The following KIF15 variants were observed in gnomAD, a reference collection of about 807,000 sequenced individuals.
KIF15 encodes kinesin-like protein KIF15.
A neutral mutation model predicts 190.6 loss-of-function variants in KIF15; 140 were observed. That is an observed-to-expected ratio of 0.73 (90% CI 0.64 to 0.84). The LOEUF (loss-of-function observed/expected upper bound fraction) is 0.84, where lower values mean the gene tolerates loss of function less well. Ranked by LOEUF, KIF15 falls within the 40% of genes least tolerant of loss-of-function variation. The pLI is 0.00. For missense variants in KIF15, 1,372 were observed against 1,584.4 expected (o/e 0.87, Z 2.28); for synonymous variants, 528 against 551.3 (o/e 0.96, Z 0.59).
chr3:44,786,253 A>T, intron 6 of KIF15, 142 bp from the exon 7 acceptor site: 2 of 537,704 alleles, frequency 3.7e-6, no homozygotes, highest in Non-Finnish European at 6.2e-6. Flanking sequence ...GATTTTTTTT[A>T]CTTTTAGGTA....
At chr3:44,795,048 T>C (rs1330683307) in intron 8 of KIF15, among the ~76,000 whole-genome samples, 1 of 152,148 alleles carries the variant, frequency 6.6e-6, no homozygotes. Context: ...TAAGAAATTG[T>C]TCCTATTGAA....
chr3:44,805,810 T>C, intron 15 of KIF15, 35 bp from the exon 16 acceptor site: 2 of 1,581,958 alleles, frequency 1.3e-6, no homozygotes, highest in East Asian at 2.2e-5. Context: ...ACATTACTTA[T>C]TACCTGAAAT....
chr3:44,783,178 C>G lies in KIF15; in HGVS notation c.362-1667C>G, dbSNP rs368267456. On this transcript the variant is annotated intron_variant, in intron 5 of 34. Transcript: ENST00000326047. The stretch of plus-strand genomic sequence containing the variant: ...CTATTTGTGTTGCTGTAAAGGAATA[C>G]CTGAGGCTGGGTAATTTATAAAGAA... Among the ~76,000 whole-genome samples the G allele has an allele frequency of 9.9e-5, 15 of 152,162 alleles. No homozygotes were observed. The South Asian group carries it at 3.1e-3, about 32-fold the overall frequency.
intron 20 of KIF15, among the ~76,000 whole-genome samples, chr3:44,818,634 A>T (rs374337593): frequency 6.6e-5 from 10 of 152,316 alleles, no homozygotes; most frequent in Admixed American, 3.3e-4. Context: ...GTGCTGCTGG[A>T]TTCACTTTGC....
At chr3:44,831,100 A>AT in intron 26 of KIF15, 82 bp downstream of exon 26, 1 of 1,430,788 alleles carries the variant, frequency 7.0e-7, no homozygotes, top group Non-Finnish European at 9.5e-7. Context: ...TTATTAATGA[A>AT]TAAATACAGG....
intron 26 of KIF15, among the ~76,000 whole-genome samples, chr3:44,835,019 A>G (rs1698242649): frequency 6.7e-6 from 1 of 150,316 alleles, no homozygotes; most frequent in African/African-American, 2.4e-5. Flanking sequence ...TTAAATAAAC[A>G]GTTTAAAAAC....
chr3:44,841,480 C>G (rs1252041422), intron 29 of KIF15, among the ~76,000 whole-genome samples: 2 of 151,408 alleles, frequency 1.3e-5, no homozygotes, highest in Non-Finnish European at 2.9e-5. Flanking sequence ...TCACTGCAAG[C>G]TCCGCCTCCC....
In KIF15 at chr3:44,843,248, AC is replaced by A; in HGVS notation, c.3695+15del. On this transcript the variant is annotated intron_variant, in intron 30 of 34. Coordinates refer to ENST00000326047, the MANE Select transcript of KIF15 (RefSeq NM_020242.3). ...AAAGGAAAACAGGTGAGAAAGAACCACGAGAACTCTATGGGCTAAATCTTGG... is the reference window on the plus strand; with the variant it reads ...AAAGGAAAACAGGTGAGAAAGAACCAGAGAACTCTATGGGCTAAATCTTGG... 6.4e-7 allele frequency: 1 copy of A among 1,554,108 alleles called. No homozygotes were observed. The highest frequency in any genetic ancestry group is 8.9e-7 in the Non-Finnish European group (1 of 1,127,534).
intron 20 of KIF15, among the ~76,000 whole-genome samples, chr3:44,821,699 G>A (rs1697335614): frequency 2.0e-5 from 3 of 152,164 alleles, no homozygotes; most frequent in Non-Finnish European, 4.4e-5. Context: ...AGGCAGAGAC[G>A]CTCCTCACTT....
intron 20 of KIF15, among the ~76,000 whole-genome samples, chr3:44,815,849 T>C (rs1708009890): frequency 6.6e-6 from 1 of 152,190 alleles, no homozygotes; most frequent in African/African-American, 2.4e-5. Context: ...ACACTGTGAA[T>C]GTGATGTGAA....
Position 44,778,301 on chromosome 3 carries a change from A to C in KIF15, c.323+110A>C. 4 of 863,362 alleles carry C rather than the reference A, an allele frequency of 4.6e-6. No homozygotes were observed. In the South Asian group the frequency reaches 5.6e-5, roughly 12 times the overall value. The allele number at this position is 863,362 out of a possible 1,614,324, so 53.5% of individuals were successfully genotyped here. On this transcript the variant is annotated intron_variant, in intron 4 of 34. Coordinates refer to ENST00000326047, the MANE Select transcript of KIF15 (RefSeq NM_020242.3). The stretch of plus-strand genomic sequence containing the variant: ...TGGCTTAAAACAACACAAATGTATT[A>C]TGTTACAGTTCTGTAAGTGAAAAGT...
At chr3:44,778,705 G>A (rs1204712630) in intron 4 of KIF15, among the ~76,000 whole-genome samples, 5 of 151,884 alleles carry the variant, frequency 3.3e-5, no homozygotes, top group Non-Finnish European at 5.9e-5. Context: ...CCAGCCAGGC[G>A]TGGTGGCTCA....
intron 25 of KIF15, 30 bp from the exon 26 acceptor site, chr3:44,830,866 G>C (rs1219051058): frequency 6.3e-7 from 1 of 1,594,570 alleles, no homozygotes; most frequent in South Asian, 1.1e-5. Flanking sequence ...AAATAAAATG[G>C]CTCTTATAGC....
intron 19 of KIF15, 149 bp from the exon 20 acceptor site, chr3:44,814,762 G>T: frequency 2.0e-6 from 1 of 494,234 alleles, no homozygotes; most frequent in Non-Finnish European, 3.4e-6. Context: ...AAATCTCAGT[G>T]CTGCTAGGTA....
chr3:44,802,663 A>G (rs1707332681), intron 13 of KIF15, 151 bp from the exon 14 acceptor site: 2 of 675,984 alleles, frequency 3.0e-6, no homozygotes, highest in Non-Finnish European at 4.8e-6. Context: ...CAAACTGATC[A>G]CAAATGCCAA....
intron 20 of KIF15, among the ~76,000 whole-genome samples, chr3:44,820,827 G>T (rs912741153): frequency 6.6e-6 from 1 of 152,098 alleles, no homozygotes; most frequent in African/African-American, 2.4e-5. Context: ...CCACAAAACC[G>T]CCATTGTCAT....
Position 44,852,855 on chromosome 3 carries a change from T to G in KIF15, c.*120T>G. The G allele has an allele frequency of 1.4e-6, 1 of 734,898 alleles. No homozygotes were observed. Among genetic ancestry groups the G allele is most frequent in the Non-Finnish European group, 2.1e-6 (1 of 465,596 alleles). 45.5% of individuals were successfully genotyped at this position (734,898 alleles called of 1,614,324 possible). A position where few individuals can be genotyped will look rare whatever the true frequency, so the allele number is the denominator to read the frequency against. On this transcript the variant is annotated 3_prime_UTR_variant, in exon 35 of 35. Transcript: ENST00000326047. ...TTTATGGACCTTAATTATTAAATGT[T>G]TATAAGGTGGTGGTAACCACCTCAA... is the stretch of plus-strand genomic sequence containing the variant.
chr3:44,844,560 A>G (rs1048480510), intron 30 of KIF15, among the ~76,000 whole-genome samples: 2 of 152,230 alleles, frequency 1.3e-5, no homozygotes, highest in African/African-American at 4.8e-5. Context: ...AAAATACCGT[A>G]TTTCAGAGAT....
intron 21 of KIF15, 76 bp downstream of exon 21, chr3:44,826,265 C>A (rs1195844746): frequency 1.3e-6 from 2 of 1,555,970 alleles, no homozygotes; most frequent in African/African-American, 2.8e-5. Context: ...GTCCTTTCCT[C>A]CTTCTTTGCT....
Sources: allele counts gnomAD v4.1 joint callset (sites outside exome capture counted in the v4.1 genomes callset), GRCh38; gene constraint gnomAD v4.1.1; transcripts MANE v1.5; gene names NCBI Gene and HGNC (gene_info 2026-07-23, HGNC 2026-07-21).